Variants in CD109 observed in about 807,000 individuals in gnomAD.
CD109 encodes the protein CD109 antigen.
A neutral mutation model predicts 165.8 loss-of-function variants in CD109; 149 were observed. The ratio of observed to expected loss-of-function variants is 0.90; its 90% CI spans 0.79 to 1.03. The LOEUF (loss-of-function observed/expected upper bound fraction) is 1.03. Ranked by LOEUF, CD109 falls within the 50% of genes least tolerant of loss-of-function variation. The pLI is 0.00. For missense variants in CD109, 1,712 were observed against 1,677.8 expected, an observed-to-expected ratio of 1.02 and a Z score of -0.36; for synonymous variants, 585 against 592.1, an observed-to-expected ratio of 0.99 and a Z score of 0.18.
Position 73,823,891 on chromosome 6 carries a change from G to A in CD109, c.*258G>A, listed in dbSNP as rs1776190843. The A allele has an allele frequency of 6.4e-6, 2 of 311,190 alleles. No individual in the cohort carries two copies. The highest frequency in any genetic ancestry group is 9.2e-5 in the Admixed American group (2 of 21,796). 19.3% of individuals were successfully genotyped at this position (311,190 alleles called of 1,614,324 possible). ...CTCAAAATCTTTTAGAATTTTTTTG[G>A]AGGTGTTTGTTTTCTCCAGAATAAA... is the stretch of plus-strand genomic sequence containing the variant. On this transcript the variant is annotated 3_prime_UTR_variant, in exon 33 of 33. Coordinates refer to ENST00000287097, the MANE Select transcript of CD109 (RefSeq NM_133493.5).
At chr6:73,701,599 AT>A (rs1295169490) in intron 2 of CD109, among the ~76,000 whole-genome samples, 1 of 152,150 alleles carries the variant, frequency 6.6e-6, no homozygotes, top group African/African-American at 2.4e-5. Flanking sequence ...AAATAATTTA[AT>A]TTTCGTGATG....
Position 73,826,208 on chromosome 6 carries a change from C to T in CD109, c.*2575C>T, listed in dbSNP as rs958256707. 9.2e-5 allele frequency: 14 copies of T among 152,054 alleles called. No homozygotes were observed. Among genetic ancestry groups the T allele is most frequent in the African/African-American group, 3.4e-4 (14 of 41,398 alleles). 9.4% of individuals were successfully genotyped at this position (152,054 alleles called of 1,614,324 possible). A position where few individuals can be genotyped will look rare whatever the true frequency, so the allele number is the denominator to read the frequency against. ...CTAAAAGTGATTAAAATACCACAGGCATAAGGAGAAAAGGAGTATATGTAG... is the reference window on the plus strand; with the variant it reads ...CTAAAAGTGATTAAAATACCACAGGTATAAGGAGAAAAGGAGTATATGTAG... On this transcript the variant is annotated 3_prime_UTR_variant, in exon 33 of 33. Transcript: ENST00000287097.
chr6:73,786,824 A>T (rs1774713523), intron 20 of CD109, among the ~76,000 whole-genome samples: 1 of 152,226 alleles, frequency 6.6e-6, no homozygotes, highest in African/African-American at 2.4e-5. Flanking sequence ...CAATAAATTC[A>T]ATAACATTTC....
At chr6:73,796,299 C>T (rs1775161488) in intron 23 of CD109, among the ~76,000 whole-genome samples, 1 of 152,118 alleles carries the variant, frequency 6.6e-6, no homozygotes, top group South Asian at 2.1e-4. Flanking sequence ...GCTTGGCCTC[C>T]CTCCTTAGCC....
intron 2 of CD109, among the ~76,000 whole-genome samples, chr6:73,705,308 T>C (rs1771225714): frequency 6.6e-6 from 1 of 152,086 alleles, no homozygotes. Flanking sequence ...AAAGAACAAG[T>C]CTTTTGAGAG....
chr6:73,698,422 T>C (rs748541783), intron 2 of CD109, among the ~76,000 whole-genome samples: 17 of 152,142 alleles, frequency 1.1e-4, no homozygotes, highest in Non-Finnish European at 2.1e-4. Context: ...TAAGTTCAAG[T>C]GATCCACCCA....
chr6:73,756,293 C>CTTCATAACACAGGTTATG (rs1350163750), intron 5 of CD109, among the ~76,000 whole-genome samples: 3 of 152,288 alleles, frequency 2.0e-5, no homozygotes, highest in African/African-American at 7.2e-5. Flanking sequence ...CCTGTGTTAT[C>CTTCATAACACAGGTTATG]TTTGCTTCAT....
At chr6:73,782,545 GTATGTGGA>G in intron 17 of CD109, 61 bp from the exon 18 acceptor site, 1 of 1,443,408 alleles carries the variant, frequency 6.9e-7, no homozygotes, top group Non-Finnish European at 9.6e-7. Context: ...CATTCATTTT[GTATGTGGA>G]GTTTACAATT....
At chr6:73,693,496 C>T (rs1049054945), upstream of CD109, among the ~76,000 whole-genome samples, 11 of 152,174 alleles carry the variant, frequency 7.2e-5, no homozygotes, top group South Asian at 8.3e-4. Context: ...CAGCTTTGGG[C>T]GACAAACATC....
At chr6:73,720,400 G>T (rs1771904983) in intron 2 of CD109, among the ~76,000 whole-genome samples, 1 of 152,176 alleles carries the variant, frequency 6.6e-6, no homozygotes, top group Non-Finnish European at 1.5e-5. Flanking sequence ...CAAAATTTCA[G>T]TTATACGGGA....
chr6:73,705,025 G>A (rs1276343164), intron 2 of CD109, among the ~76,000 whole-genome samples: 1 of 152,140 alleles, frequency 6.6e-6, no homozygotes. Flanking sequence ...GTTACTTCAC[G>A]TACTAGAGAC....
intron 24 of CD109, chr6:73,804,029 C>G (rs1775478283): frequency 6.6e-6 from 1 of 152,248 alleles, no homozygotes; most frequent in African/African-American, 2.4e-5. Flanking sequence ...TTTGCCACAG[C>G]CCGGAAAGAG....
intron 2 of CD109, among the ~76,000 whole-genome samples, chr6:73,718,252 T>A (rs890480408): frequency 3.9e-5 from 6 of 152,178 alleles, no homozygotes; most frequent in African/African-American, 1.4e-4. Context: ...CTTTCTCTTG[T>A]CTGATTGCCC....
At chr6:73,765,585 A>G (rs1773803667) in intron 10 of CD109, among the ~76,000 whole-genome samples, 1 of 152,130 alleles carries the variant, frequency 6.6e-6, no homozygotes, top group South Asian at 2.1e-4. Flanking sequence ...GCTAAGCAAT[A>G]GGATTGCTGA....
chr6:73,787,483 T>G, intron 21 of CD109, 31 bp downstream of exon 21: 1 of 1,520,004 alleles, frequency 6.6e-7, no homozygotes, highest in Non-Finnish European at 9.0e-7. Flanking sequence ...AGAAGTGAAA[T>G]GGAAATACGT....
rs58322561 is a variant in CD109, at chr6:73,820,451, A to G, written c.4060-10A>G. On this transcript the variant is annotated splice_polypyrimidine_tract_variant and intron_variant, in intron 31 of 32. Transcript: ENST00000287097. ...TGCCAACCCCTTAAGACTCTTTTGT[A>G]TTTCTCAAGGTAAATGAAACCCAGT... 6,885 of 1,520,460 alleles carry G rather than the reference A, an allele frequency of 4.5e-3. 279 individuals carry two copies. In the African/African-American group the frequency reaches 0.083, roughly 18 times the overall value. The allele number at this position is 1,520,460 out of a possible 1,614,324, so 94.2% of individuals were successfully genotyped here.
chr6:73,720,305 T>TA (rs1261499355), intron 2 of CD109, among the ~76,000 whole-genome samples: 2 of 151,870 alleles, frequency 1.3e-5, no homozygotes, highest in Non-Finnish European at 2.9e-5. Flanking sequence ...ATGTGGAAGG[T>TA]AAAAAAAGAT....
chr6:73,793,200 T>C (rs1179043715), intron 23 of CD109, among the ~76,000 whole-genome samples: 1 of 152,206 alleles, frequency 6.6e-6, no homozygotes, highest in African/African-American at 2.4e-5. Flanking sequence ...GCCTCTCTTC[T>C]TAAAGAATTC....
rs1188682473 is a variant in CD109, at chr6:73,767,101, A to T, written c.1497+91A>T. ...TCTGGGGTACATGTGCAGGTTTGTT[A>T]TATAGCTAAACTCATGTCATGGGGG... On this transcript the variant is annotated intron_variant, in intron 13 of 32. Transcript: ENST00000287097. The T allele has an allele frequency of 3.8e-6, 4 of 1,055,264 alleles. No individual in the cohort carries two copies. The Admixed American group carries it at 8.3e-5, about 22-fold the overall frequency. The allele number at this position is 1,055,264 out of a possible 1,614,324, so 65.4% of individuals were successfully genotyped here.
Sources: allele counts gnomAD v4.1 joint callset (sites outside exome capture counted in the v4.1 genomes callset), GRCh38; gene constraint gnomAD v4.1.1; transcripts MANE v1.5; gene names NCBI Gene and HGNC (gene_info 2026-07-23, HGNC 2026-07-21).